Variants in SBF2 observed in about 807,000 individuals in gnomAD.
The protein encoded by SBF2 is SET binding factor 2.
A neutral mutation model predicts 225.2 loss-of-function variants in SBF2; 112 were observed. The observed-to-expected ratio is 0.50, with a 90% CI of 0.43 to 0.58. The LOEUF (loss-of-function observed/expected upper bound fraction) is 0.58. Among genes scored for constraint, SBF2 ranks in the 20% least tolerant of loss-of-function variants. The probability of loss-of-function intolerance (pLI) is 0.00; values close to 1 mark genes in which losing one functional copy is unlikely to be tolerated. For missense variants in SBF2, 1,996 were observed against 2,206.2 expected (o/e 0.90, Z 1.91); for synonymous variants, 763 against 773.3 (o/e 0.99, Z 0.22).
In SBF2 at chr11:9,999,855, T is replaced by C. The variant is rs570276044; in HGVS notation, c.861+1059A>G. Among the ~76,000 whole-genome samples, 11 of 152,336 alleles carry C rather than the reference T, an allele frequency of 7.2e-5. No homozygotes were observed. In the East Asian group the frequency reaches 1.9e-3, roughly 27 times the overall value. Reference sequence around the variant, plus strand: ...TAATGTTAAATAATATTTTGTTAGTTTAAATGACACCTCTGATTTGGTTAC... The same window carrying C: ...TAATGTTAAATAATATTTTGTTAGTCTAAATGACACCTCTGATTTGGTTAC... On this transcript the variant is annotated intron_variant, in intron 8 of 39. Transcript: ENST00000256190.
intron 2 of SBF2, among the ~76,000 whole-genome samples, chr11:10,092,867 C>T (rs1951839776): frequency 2.6e-5 from 4 of 151,974 alleles, no homozygotes; most frequent in Admixed American, 1.3e-4. Context: ...TAAGATTATA[C>T]CCTAGAACGA....
At chr11:9,805,981 T>G (rs1853821455) in intron 32 of SBF2, among the ~76,000 whole-genome samples, 1 of 152,228 alleles carries the variant, frequency 6.6e-6, no homozygotes, top group South Asian at 2.1e-4. Flanking sequence ...TTGTGGTCTT[T>G]CAAATTCTCA....
intron 2 of SBF2, among the ~76,000 whole-genome samples, chr11:10,173,069 T>C (rs1420321711): frequency 2.6e-5 from 4 of 152,252 alleles, no homozygotes; most frequent in African/African-American, 7.2e-5. Context: ...TCTTTATTGA[T>C]GTCTAGTTCT....
At position 9,832,375 on chromosome 11, in the gene SBF2, A is replaced by T; in HGVS notation, c.3501T>A (p.Ser1167Arg). 1 of 1,614,100 alleles carries T rather than the reference A, an allele frequency of 6.2e-7. No individual in the cohort carries two copies. The highest frequency in any genetic ancestry group is 8.5e-7 in the Non-Finnish European group (1 of 1,179,992). Residue 1167 changes from serine (S) to arginine (R), a missense_variant, in exon 27 of 40, where the codon AGT becomes AGA. Ser to Arg is a moderately radical substitution (Grantham distance 110, BLOSUM62 -1). Coordinates refer to ENST00000256190, the MANE Select transcript of SBF2 (RefSeq NM_030962.4). The stretch of plus-strand genomic sequence containing the variant: ...GATAGCAGCGAGCTACTCTTGGTAA[A>T]CTACTGTCCTGTACAGCTTGAGGTA... ...LVVPQAVQDS[S>R]LPRVARCYRH...
intron 1 of SBF2, among the ~76,000 whole-genome samples, chr11:10,216,704 T>A (rs1362091503): frequency 1.3e-5 from 2 of 152,012 alleles, no homozygotes; most frequent in Non-Finnish European, 2.9e-5. Flanking sequence ...ACCCTGTCTC[T>A]AATAAAAATA....
chr11:10,288,092 C>T (rs1963918322), intron 1 of SBF2, among the ~76,000 whole-genome samples: 1 of 152,174 alleles, frequency 6.6e-6, no homozygotes, highest in Non-Finnish European at 1.5e-5. Flanking sequence ...ACCACAGGGC[C>T]CCAAAGAAGG....
intron 16 of SBF2, among the ~76,000 whole-genome samples, chr11:9,910,036 A>C (rs933804281): frequency 6.6e-6 from 1 of 152,248 alleles, no homozygotes; most frequent in African/African-American, 2.4e-5. Context: ...TGAAGGTTAG[A>C]TGGTAACATA....
At chr11:10,229,111 T>G (rs181426830) in intron 1 of SBF2, among the ~76,000 whole-genome samples, 16,109 of 152,138 alleles carry the variant, frequency 0.11, 1,011 homozygotes, top group Non-Finnish European at 0.11. Flanking sequence ...TGTAGAGGTG[T>G]TTATAGTATT....
intron 2 of SBF2, among the ~76,000 whole-genome samples, chr11:10,081,916 T>C (rs1364167056): frequency 6.7e-6 from 1 of 150,110 alleles, no homozygotes; most frequent in Non-Finnish European, 1.5e-5. Flanking sequence ...ACCAAAAAAA[T>C]AAAACATAAA....
At chr11:9,958,956 G>C in intron 16 of SBF2, 1 of 714,622 alleles carries the variant, frequency 1.4e-6, no homozygotes, top group Non-Finnish European at 2.5e-6. Context: ...TGGGAATGTG[G>C]ATGTGGTACT....
At chr11:10,122,063 A>G (rs1201443885) in intron 2 of SBF2, among the ~76,000 whole-genome samples, 2 of 152,222 alleles carry the variant, frequency 1.3e-5, no homozygotes, top group Non-Finnish European at 2.9e-5. Context: ...GAGAAGCCAT[A>G]AAGTGCTTCC....
intron 25 of SBF2, among the ~76,000 whole-genome samples, 182 bp from the exon 26 acceptor site, chr11:9,839,878 CATCTGAAACT>C (rs747420517): frequency 2.6e-5 from 4 of 152,156 alleles, no homozygotes; most frequent in Non-Finnish European, 5.9e-5. Flanking sequence ...AGCTCACTCT[CATCTGAAACT>C]GGGATGGTAG....
chr11:9,994,041 A>G (rs1447576019), intron 9 of SBF2, 43 bp from the exon 10 acceptor site: 1 of 1,134,104 alleles, frequency 8.8e-7, no homozygotes, highest in South Asian at 1.3e-5. Flanking sequence ...CATAATATCA[A>G]TGAAATCTAT....
At chr11:9,904,442 A>T (rs1861965803) in intron 16 of SBF2, among the ~76,000 whole-genome samples, 1 of 152,220 alleles carries the variant, frequency 6.6e-6, no homozygotes, top group Non-Finnish European at 1.5e-5. Flanking sequence ...ACTTAGCCTC[A>T]AAGTATACAA....
intron 2 of SBF2, among the ~76,000 whole-genome samples, chr11:10,093,800 G>A (rs1428067557): frequency 6.6e-6 from 1 of 152,124 alleles, no homozygotes; most frequent in African/African-American, 2.4e-5. Flanking sequence ...TTCTGTAGTG[G>A]AGCGAAATCT....
chr11:10,225,629 G>A (rs1242949914), intron 1 of SBF2, among the ~76,000 whole-genome samples: 1 of 152,056 alleles, frequency 6.6e-6, no homozygotes, highest in Non-Finnish European at 1.5e-5. Flanking sequence ...AGAAAAAAGT[G>A]CTGGGTTTTT....
chr11:10,174,842 G>A (rs546693612), intron 2 of SBF2, among the ~76,000 whole-genome samples: 38 of 151,516 alleles, frequency 2.5e-4, no homozygotes, highest in African/African-American at 9.0e-4. Context: ...CCAGAAGACA[G>A]TGGGGGCCAA....
chr11:9,942,675 C>T (rs150847455), intron 16 of SBF2, among the ~76,000 whole-genome samples: 1,957 of 151,744 alleles, frequency 0.013, 43 homozygotes, highest in African/African-American at 0.044. Flanking sequence ...ACTAAAAATA[C>T]AAAAAATTAG....
intron 1 of SBF2, among the ~76,000 whole-genome samples, chr11:10,231,318 A>T (rs1338455928): frequency 6.6e-5 from 10 of 152,142 alleles, no homozygotes; most frequent in African/African-American, 2.4e-4. Flanking sequence ...CGTCAAAGTC[A>T]TTCTCCGTCC....
Sources: allele counts gnomAD v4.1 joint callset (sites outside exome capture counted in the v4.1 genomes callset), GRCh38; gene constraint gnomAD v4.1.1; transcripts MANE v1.5; gene names NCBI Gene and HGNC (gene_info 2026-07-23, HGNC 2026-07-21).